TAFA2: variants seen among roughly 807,000 people sequenced by gnomAD.
The protein encoded by TAFA2 is chemokine-like protein TAFA-2.
TAFA2 carries 7 observed loss-of-function variants against 18.8 expected under a neutral mutation model. The observed-to-expected ratio is 0.37, with a 90% CI of 0.21 to 0.70. TAFA2 has a LOEUF of 0.70. Ranked by LOEUF, TAFA2 falls within the 30% of genes least tolerant of loss-of-function variation. The pLI, the probability that TAFA2 is intolerant of heterozygous loss-of-function variation, is 0.53. For missense variants in TAFA2, 122 were observed against 158.1 expected, an observed-to-expected ratio of 0.77 and a Z score of 1.23; for synonymous variants, 60 against 54.2, an observed-to-expected ratio of 1.11 and a Z score of -0.47.
intron 1 of TAFA2, among the ~76,000 whole-genome samples, chr12:62,168,673 C>T (rs1322949104): frequency 1.3e-5 from 2 of 151,956 alleles, no homozygotes; most frequent in Non-Finnish European, 2.9e-5. Flanking sequence ...AGTCTCTAAA[C>T]AAAACATTTT....
chr12:62,042,586 G>C (rs936461843), intron 1 of TAFA2, among the ~76,000 whole-genome samples: 2 of 152,026 alleles, frequency 1.3e-5, no homozygotes, highest in African/African-American at 4.8e-5. Context: ...GGTTTCTCTT[G>C]TTTTACCAGC....
At chr12:61,742,836 C>G (rs71465108) in intron 4 of TAFA2, among the ~76,000 whole-genome samples, 1,773 of 152,020 alleles carry the variant, frequency 0.012, 16 homozygotes, top group South Asian at 0.029. Context: ...AATTACCAAG[C>G]CCTATCAATT....
At chr12:61,920,615 T>C (rs1389244917) in intron 1 of TAFA2, among the ~76,000 whole-genome samples, 1 of 152,222 alleles carries the variant, frequency 6.6e-6, no homozygotes, top group Non-Finnish European at 1.5e-5. Context: ...GCCAGTTCTC[T>C]GAGTAAGTCT....
At chr12:62,139,149 T>C (rs1237329005) in intron 1 of TAFA2, among the ~76,000 whole-genome samples, 2 of 152,166 alleles carry the variant, frequency 1.3e-5, no homozygotes, top group Non-Finnish European at 2.9e-5. Flanking sequence ...TGTCAATCTC[T>C]GCTAAAAGGT....
intron 2 of TAFA2, among the ~76,000 whole-genome samples, chr12:61,807,665 C>A (rs1255002554): frequency 6.6e-6 from 1 of 151,432 alleles, no homozygotes; most frequent in Non-Finnish European, 1.5e-5. Context: ...CTGTACCTTG[C>A]AAAGCCACAG....
chr12:62,052,225 A>G (rs1048332360), intron 1 of TAFA2, among the ~76,000 whole-genome samples: 1 of 151,792 alleles, frequency 6.6e-6, no homozygotes, highest in Non-Finnish European at 1.5e-5. Context: ...TGAGAGAGAG[A>G]GTCTGTTTCC....
intron 1 of TAFA2, among the ~76,000 whole-genome samples, chr12:62,060,408 T>C (rs1055456744): frequency 6.6e-6 from 1 of 152,242 alleles, no homozygotes; most frequent in African/African-American, 2.4e-5. Context: ...TTTGTAATGA[T>C]GCTGTTTGTA....
chr12:61,807,767 T>G (rs1314470017), intron 2 of TAFA2, among the ~76,000 whole-genome samples: 1 of 151,454 alleles, frequency 6.6e-6, no homozygotes, highest in Non-Finnish European at 1.5e-5. Context: ...ATTTTGGAGC[T>G]TTAAGATTTG....
chr12:62,092,135 G>T (rs1868739701), intron 1 of TAFA2, among the ~76,000 whole-genome samples: 1 of 151,858 alleles, frequency 6.6e-6, no homozygotes, highest in African/African-American at 2.4e-5. Flanking sequence ...CCCACCATTT[G>T]TACACTTGAT....
intron 2 of TAFA2, among the ~76,000 whole-genome samples, chr12:61,823,960 A>G (rs2121060925): frequency 6.6e-6 from 1 of 152,236 alleles, no homozygotes; most frequent in Admixed American, 6.5e-5. Flanking sequence ...TTTGAGTGTG[A>G]GTGTGAGACC....
At chr12:61,824,246 A>C (rs1203665342) in intron 2 of TAFA2, among the ~76,000 whole-genome samples, 3 of 152,176 alleles carry the variant, frequency 2.0e-5, no homozygotes, top group African/African-American at 7.2e-5. Flanking sequence ...CTCTGATGAG[A>C]CTGCAGACCC....
intron 1 of TAFA2, among the ~76,000 whole-genome samples, chr12:62,135,216 T>A (rs765905572): frequency 1.3e-5 from 2 of 152,016 alleles, no homozygotes; most frequent in Non-Finnish European, 2.9e-5. Flanking sequence ...TTGATAAGAC[T>A]GGTACCTAAA....
chr12:61,992,108 T>A (rs1294803176), intron 1 of TAFA2, among the ~76,000 whole-genome samples: 1 of 152,154 alleles, frequency 6.6e-6, no homozygotes, highest in Non-Finnish European at 1.5e-5. Context: ...TCTTAAAAAA[T>A]TATCTAAGGG....
chr12:62,154,074 C>A (rs1182357476), intron 1 of TAFA2, among the ~76,000 whole-genome samples: 2 of 151,988 alleles, frequency 1.3e-5, no homozygotes, highest in Admixed American at 6.6e-5. Context: ...TGCCACCACA[C>A]CTGGCTAAAT....
At chr12:61,785,081 T>A (rs1870670457) in intron 2 of TAFA2, among the ~76,000 whole-genome samples, 1 of 151,672 alleles carries the variant, frequency 6.6e-6, no homozygotes, top group South Asian at 2.1e-4. Context: ...TAATTGTGTA[T>A]CCTTTAACAA....
At chr12:62,106,351 AAAAAACAAAAACAAAAAAAC>A (rs1159046616) in intron 1 of TAFA2, among the ~76,000 whole-genome samples, 1 of 151,764 alleles carries the variant, frequency 6.6e-6, no homozygotes. Context: ...AACAAAAAAC[AAAAAACAAAAACAAAAAAAC>A]AAAAACAAAA....
At chr12:61,834,564 G>A (rs956677642) in intron 2 of TAFA2, among the ~76,000 whole-genome samples, 2 of 151,928 alleles carry the variant, frequency 1.3e-5, no homozygotes, top group Non-Finnish European at 2.9e-5. Context: ...GCAGAGTACT[G>A]ACCTAGTGTA....
At chr12:61,871,606 A>G (rs1020493073) in intron 1 of TAFA2, among the ~76,000 whole-genome samples, 1 of 152,244 alleles carries the variant, frequency 6.6e-6, no homozygotes, top group Non-Finnish European at 1.5e-5. Flanking sequence ...GCACAAGGGA[A>G]AAGAGGAAAC....
intron 1 of TAFA2, among the ~76,000 whole-genome samples, chr12:61,965,235 AG>A (rs111837100): frequency 3.2e-4 from 49 of 151,950 alleles, no homozygotes; most frequent in African/African-American, 1.2e-3. Flanking sequence ...AGAGGCCCAG[AG>A]GAACTTGTTT....
Sources: allele counts gnomAD v4.1 joint callset (sites outside exome capture counted in the v4.1 genomes callset), GRCh38; gene constraint gnomAD v4.1.1; transcripts MANE v1.5; gene names NCBI Gene and HGNC (gene_info 2026-07-23, HGNC 2026-07-21).